Variants in TCERG1L observed in about 807,000 individuals in gnomAD.
TCERG1L encodes transcription elongation regulator 1 like.
TCERG1L carries 37 observed loss-of-function variants against 56.3 expected under a neutral mutation model. The ratio of observed to expected loss-of-function variants is 0.66; its 90% CI spans 0.51 to 0.87. TCERG1L has a LOEUF of 0.87. Among genes scored for constraint, TCERG1L ranks in the 40% least tolerant of loss-of-function variants. The pLI is 0.00. For synonymous variants in TCERG1L, 324 were observed against 326.3 expected (o/e 0.99, Z 0.08); for missense variants, 799 against 774.2 (o/e 1.03, Z -0.38).
intron 11 of TCERG1L, among the ~76,000 whole-genome samples, chr10:131,097,337 A>G (rs1355748818): frequency 2.0e-5 from 3 of 151,960 alleles, no homozygotes; most frequent in African/African-American, 4.8e-5. Context: ...GTACATGTTC[A>G]TTACTTTTTA....
At chr10:131,121,914 A>T (rs1845518500) in intron 8 of TCERG1L, among the ~76,000 whole-genome samples, 1 of 152,188 alleles carries the variant, frequency 6.6e-6, no homozygotes, top group South Asian at 2.1e-4. Flanking sequence ...TGCAGGTACC[A>T]CACCACCATC....
intron 7 of TCERG1L, among the ~76,000 whole-genome samples, chr10:131,140,677 T>G (rs1845727627): frequency 6.6e-6 from 1 of 152,124 alleles, no homozygotes; most frequent in South Asian, 2.1e-4. Flanking sequence ...GAGAGCACCT[T>G]GCAGGGACTG....
chr10:131,242,468 C>A (rs1418447158), intron 4 of TCERG1L, among the ~76,000 whole-genome samples: 2 of 152,124 alleles, frequency 1.3e-5, no homozygotes. Context: ...TGGGAGCACT[C>A]AGAGAGTGGT....
chr10:131,291,374 CAT>C (rs1234637132), intron 3 of TCERG1L, among the ~76,000 whole-genome samples: 4 of 122,882 alleles, frequency 3.3e-5, no homozygotes, highest in South Asian at 2.8e-4. Context: ...TTAATAATCT[CAT>C]GTGTATATTC....
intron 4 of TCERG1L, among the ~76,000 whole-genome samples, chr10:131,253,047 C>T (rs1003722751): frequency 2.0e-5 from 3 of 152,312 alleles, no homozygotes; most frequent in East Asian, 1.9e-4. Flanking sequence ...CCTGCTGGGC[C>T]GGTCACAGAC....
At chr10:131,236,900 C>G (rs915795525) in intron 4 of TCERG1L, among the ~76,000 whole-genome samples, 4 of 152,020 alleles carry the variant, frequency 2.6e-5, no homozygotes, top group Non-Finnish European at 5.9e-5. Context: ...CATTCAAGCT[C>G]GCATCATCCT....
At chr10:131,250,302 A>C (rs1038276599) in intron 4 of TCERG1L, among the ~76,000 whole-genome samples, 2 of 142,936 alleles carry the variant, frequency 1.4e-5, no homozygotes, top group Non-Finnish European at 3.1e-5. Context: ...ATGAGGACTC[A>C]CAGACGCAGG....
rs1284023152 is a variant in TCERG1L at position 131,311,556 on chromosome 10, C to A, written c.80G>T (p.Trp27Leu). 7 of 1,173,084 alleles carry A rather than the reference C, an allele frequency of 6.0e-6. No individual in the cohort carries two copies. In the African/African-American group the frequency reaches 9.8e-5, roughly 16 times the overall value. The allele number at this position is 1,173,084 out of a possible 1,614,324, so 72.7% of individuals were successfully genotyped here. ...CGGCGGCGGCTCTGCGTCCATCGGC[C>A]AGAGGAGAGGCTGCCGCCGCCGGGG... ...QQPRRRQPLL[W>L]PMDAEPPPPP... Residue 27 changes from tryptophan to leucine, a missense_variant, in exon 1 of 12, where the codon TGG becomes TTG. Physicochemically the swap from Trp to Leu is moderately conservative, Grantham distance 61. Transcript: ENST00000368642. This position sits in a 1 kb window ranked among gnomAD's most constrained non-coding sequence, Gnocchi z 4.0.
At chr10:131,254,195 G>A (rs1272056382) in intron 4 of TCERG1L, among the ~76,000 whole-genome samples, 8 of 151,842 alleles carry the variant, frequency 5.3e-5, no homozygotes, top group Non-Finnish European at 1.0e-4. Flanking sequence ...ACAAATGGAG[G>A]GCTGCTCAGG....
At chr10:131,127,108 TAA>T (rs1845572743) in intron 8 of TCERG1L, among the ~76,000 whole-genome samples, 1 of 152,182 alleles carries the variant, frequency 6.6e-6, no homozygotes, top group East Asian at 1.9e-4. Context: ...TAAGGAATTC[TAA>T]GATTTAAAAC....
rs559190185 is a variant in TCERG1L at position 131,168,399 on chromosome 10, C to T, written c.857-1514G>A. ...GTCATGTCCTCCGTGGGCATTGGCA[C>T]CTGTCTGGCTTGCGGCTGCAGAGCC... On this transcript the variant is annotated intron_variant, in intron 4 of 11. Coordinates refer to ENST00000368642, the MANE Select transcript of TCERG1L (RefSeq NM_174937.4). 4.6e-5 allele frequency among the ~76,000 whole-genome samples: 7 copies of T among 152,310 alleles called. No homozygotes were observed. In the East Asian group the frequency reaches 7.8e-4, roughly 17 times the overall value.
At chr10:131,240,610 C>T (rs1845960306) in intron 4 of TCERG1L, among the ~76,000 whole-genome samples, 1 of 152,192 alleles carries the variant, frequency 6.6e-6, no homozygotes, top group Non-Finnish European at 1.5e-5. Context: ...CGGGACAGCA[C>T]CCGCACAGGG....
In TCERG1L at chr10:131,157,618, G is replaced by A. The variant is rs181089954; in HGVS notation, c.1034+5504C>T. ...AAAAAAAAGACGATACAGAAATTCC[G>A]AAGGAGACTAAAATAATAATAATGC... On this transcript the variant is annotated intron_variant, in intron 6 of 11. Coordinates refer to ENST00000368642, the MANE Select transcript of TCERG1L (RefSeq NM_174937.4). Among the ~76,000 whole-genome samples the A allele has an allele frequency of 2.4e-3, 371 of 151,708 alleles. 2 individuals are homozygous for A. In the South Asian group the frequency reaches 0.028, roughly 12 times the overall value.
intron 3 of TCERG1L, among the ~76,000 whole-genome samples, chr10:131,261,287 T>A (rs946030615): frequency 1.3e-5 from 2 of 152,250 alleles, no homozygotes; most frequent in Non-Finnish European, 2.9e-5. Flanking sequence ...TGCCATTTTA[T>A]ATGGATGGTG....
At position 131,201,083 on chromosome 10, in the gene TCERG1L, C is replaced by T. The variant is rs185863395; in HGVS notation, c.857-34198G>A. On this transcript the variant is annotated intron_variant, in intron 4 of 11. Transcript: ENST00000368642. ...CTGTTAAAGGCCGTGCCTCTTGACA[C>T]CATCACACTGGCAACTAAGTTTCAA... Among the ~76,000 whole-genome samples, 23 of 152,274 alleles carry T rather than the reference C, an allele frequency of 1.5e-4. No individual in the cohort carries two copies. In the East Asian group the frequency reaches 4.4e-3, roughly 29 times the overall value.
chr10:131,101,570 C>CCA (rs1168292420), intron 10 of TCERG1L, among the ~76,000 whole-genome samples: 2 of 152,068 alleles, frequency 1.3e-5, no homozygotes, highest in East Asian at 3.9e-4. Flanking sequence ...AGCACACATG[C>CCA]CACACACGCC....
intron 4 of TCERG1L, among the ~76,000 whole-genome samples, chr10:131,232,729 C>G (rs939030430): frequency 2.0e-5 from 3 of 152,150 alleles, no homozygotes; most frequent in African/African-American, 7.2e-5. Flanking sequence ...AAAATGGGCA[C>G]AAAACCCTCC....
At chr10:131,183,196 C>A (rs1564809633) in intron 4 of TCERG1L, among the ~76,000 whole-genome samples, 1 of 152,190 alleles carries the variant, frequency 6.6e-6, no homozygotes, top group African/African-American at 2.4e-5. Flanking sequence ...TTTGGCACTA[C>A]CCACCATAGG....
intron 4 of TCERG1L, among the ~76,000 whole-genome samples, chr10:131,221,644 C>T (rs865836694): frequency 6.6e-6 from 1 of 152,328 alleles, no homozygotes; most frequent in South Asian, 2.1e-4. Flanking sequence ...GTATTGAACA[C>T]GGATCCCGGC....
Sources: allele counts gnomAD v4.1 joint callset (sites outside exome capture counted in the v4.1 genomes callset), GRCh38; gene constraint gnomAD v4.1.1; non-coding constraint Gnocchi (gnomAD v3.1); transcripts MANE v1.5; gene names NCBI Gene and HGNC (gene_info 2026-07-23, HGNC 2026-07-21).